The following GABRA4 variants were observed in gnomAD, a reference collection of about 807,000 sequenced individuals.
The protein encoded by GABRA4 is gamma-aminobutyric acid type A receptor subunit alpha4.
GABRA4 carries 12 observed loss-of-function variants against 49.7 expected under a neutral mutation model. The ratio of observed to expected loss-of-function variants is 0.24; its 90% CI spans 0.15 to 0.39. GABRA4 has a LOEUF of 0.39. Ranked by LOEUF, GABRA4 falls within the 10% of genes least tolerant of loss-of-function variation. The pLI, the probability that GABRA4 is intolerant of heterozygous loss-of-function variation, is 1.00. For missense variants in GABRA4, 506 were observed against 686.0 expected, an observed-to-expected ratio of 0.74 and a Z score of 2.93; for synonymous variants, 288 against 240.2, an observed-to-expected ratio of 1.20 and a Z score of -1.84.
Position 46,971,091 on chromosome 4 carries a change from G to C in GABRA4, c.866C>G (p.Thr289Ser). The C allele has an allele frequency of 6.2e-7, 1 of 1,608,388 alleles. No homozygotes were observed. Among genetic ancestry groups the C allele is most frequent in the Non-Finnish European group, 8.5e-7 (1 of 1,176,584 alleles). The stretch of plus-strand genomic sequence containing the variant: ...AAATGAATTGCAATTACCAAATACA[G>C]TCCTAGCGGGAACTGATTCTTTATT... ...WINKESVPARTVFGITTVLTM... is the reference protein window; with the variant it reads ...WINKESVPARSVFGITTVLTM... The change falls in exon 7 of 9, where the codon ACT (threonine) becomes AGT (serine). Residue 289 changes from threonine to serine, a missense_variant. Thr to Ser is a moderately conservative substitution (Grantham distance 58, BLOSUM62 1). Around this residue, in one of 5 missense-constraint regions of GABRA4, gnomAD observed 33 missense variants for 102.5 expected, o/e 0.32. Coordinates refer to ENST00000264318, the MANE Select transcript of GABRA4 (RefSeq NM_000809.4).
intron 7 of GABRA4, among the ~76,000 whole-genome samples, chr4:46,965,788 A>G (rs990401753): frequency 6.6e-6 from 1 of 151,838 alleles, no homozygotes; most frequent in East Asian, 1.9e-4. Context: ...GGTCTTTCTT[A>G]TCTTTAAATA....
chr4:46,977,265 G>A lies in GABRA4; in HGVS notation c.495-122C>T, dbSNP rs1182905535. Reference sequence around the variant, plus strand: ...GAAGAAGGGAGGGAAGAAAAGGAAGGAAGGAAGGGAAGGAGGAAGGGAGGG... The same window carrying A: ...GAAGAAGGGAGGGAAGAAAAGGAAGAAAGGAAGGGAAGGAGGAAGGGAGGG... On this transcript the variant is annotated intron_variant, in intron 4 of 8. Transcript: ENST00000264318. 1.1e-5 allele frequency: 5 copies of A among 451,096 alleles called. No individual in the cohort carries two copies. The East Asian group carries it at 2.3e-4, about 21-fold the overall frequency. The allele number at this position is 451,096 out of a possible 1,614,324, so 27.9% of individuals were successfully genotyped here.
chr4:46,984,288 A>G (rs945301713), intron 2 of GABRA4, among the ~76,000 whole-genome samples: 6 of 152,052 alleles, frequency 3.9e-5, no homozygotes, highest in African/African-American at 1.2e-4. Context: ...ACAAAATACT[A>G]GTTACATATC....
intron 7 of GABRA4, among the ~76,000 whole-genome samples, chr4:46,967,098 T>A (rs1024080911): frequency 6.6e-6 from 1 of 151,712 alleles, no homozygotes; most frequent in Admixed American, 6.6e-5. Flanking sequence ...GTTTTTCTTG[T>A]TCATAACAAT....
At chr4:46,981,580 C>A (rs763446214) in intron 2 of GABRA4, among the ~76,000 whole-genome samples, 1 of 151,980 alleles carries the variant, frequency 6.6e-6, no homozygotes, top group Non-Finnish European at 1.5e-5. Context: ...TGAATGAGTG[C>A]CAGTTGTGTG....
At chr4:46,987,760 T>C (rs1244743633) in intron 2 of GABRA4, among the ~76,000 whole-genome samples, 1 of 152,236 alleles carries the variant, frequency 6.6e-6, no homozygotes, top group East Asian at 1.9e-4. Flanking sequence ...AAAGCTTCAT[T>C]GGTCTCCCTG....
At chr4:46,993,290 C>T (rs1723845687) in intron 1 of GABRA4, 49 bp downstream of exon 1, 3 of 1,513,938 alleles carry the variant, frequency 2.0e-6, no homozygotes, top group Non-Finnish European at 2.8e-6. Flanking sequence ...CGGAGCTAGC[C>T]ATTTCTCCAC....
At position 46,992,953 on chromosome 4, in the gene GABRA4, G is replaced by GC; in HGVS notation, c.87-8dup. 1 of 1,450,564 alleles carries GC rather than the reference G, an allele frequency of 6.9e-7. No individual in the cohort carries two copies. Among genetic ancestry groups the GC allele is most frequent in the Non-Finnish European group, 9.4e-7 (1 of 1,061,124 alleles). The allele number at this position is 1,450,564 out of a possible 1,614,324, so 89.9% of individuals were successfully genotyped here. ...TCCTGGGGATTCGTTTAAACTGCAA[G>GC]CGAAAAAAAAAAAACCGGGGGCGGA... On this transcript the variant is annotated splice_polypyrimidine_tract_variant and splice_region_variant and intron_variant, in intron 1 of 8. Transcript: ENST00000264318.
chr4:46,988,720 A>G (rs1004152375), intron 2 of GABRA4, among the ~76,000 whole-genome samples: 1 of 152,210 alleles, frequency 6.6e-6, no homozygotes. Context: ...AGTTTTGCTT[A>G]TTTTAAGGTC....
Position 46,925,748 on chromosome 4 carries a change from TATTATTATTATCATC to T in GABRA4, c.*2462_*2476del, listed in dbSNP as rs921678822. On this transcript the variant is annotated 3_prime_UTR_variant, in exon 9 of 9. Transcript: ENST00000264318. ...TTATTATTATTATTATTATTATTAT[TATTATTATTATCATC>T]ATTATTATCATTGTGTGCAAATGAA... 6 of 118,534 alleles carry T rather than the reference TATTATTATTATCATC, an allele frequency of 5.1e-5. No homozygotes were observed. Among genetic ancestry groups the T allele is most frequent in the African/African-American group, 1.7e-4 (6 of 35,204 alleles). The allele number at this position is 118,534 out of a possible 1,614,324, so 7.3% of individuals were successfully genotyped here.
intron 8 of GABRA4, among the ~76,000 whole-genome samples, chr4:46,956,041 T>C (rs1012737066): frequency 2.0e-5 from 3 of 151,990 alleles, no homozygotes; most frequent in Non-Finnish European, 4.4e-5. Context: ...CAAACTAACA[T>C]AAAAAATGGC....
Position 46,928,228 on chromosome 4 carries a change from C to T in GABRA4, c.1662G>A (p.Met554Ile), listed in dbSNP as rs768396690. The change falls in exon 9 of 9, where the codon ATG (methionine) becomes ATA (isoleucine). Residue 554 changes from methionine to isoleucine, a missense_variant. Physicochemically the swap from Met to Ile is conservative, Grantham distance 10. Coordinates refer to ENST00000264318, the MANE Select transcript of GABRA4 (RefSeq NM_000809.4). ...KDTMEKSESL[M>I] ...GCAAACTACTATAGCAACGAAATTA[C>T]ATTAGACTTTCTGATTTCTCCATAG... 2 of 1,604,352 alleles carry T rather than the reference C, an allele frequency of 1.2e-6. No homozygotes were observed. The highest frequency in any genetic ancestry group is 8.5e-7 in the Non-Finnish European group (1 of 1,174,908).
At chr4:46,980,891 A>T (rs1473657018) in intron 2 of GABRA4, among the ~76,000 whole-genome samples, 1 of 152,122 alleles carries the variant, frequency 6.6e-6, no homozygotes, top group East Asian at 1.9e-4. Flanking sequence ...ACACTATGCC[A>T]TTGCAAGTCA....
At chr4:46,944,013 C>A (rs560865147) in intron 8 of GABRA4, among the ~76,000 whole-genome samples, 25 of 151,832 alleles carry the variant, frequency 1.6e-4, no homozygotes, top group Non-Finnish European at 3.1e-4. Flanking sequence ...TTAAAGGGTA[C>A]AATATTTCAG....
chr4:46,928,957 A>G (rs1224395260), intron 8 of GABRA4, among the ~76,000 whole-genome samples: 2 of 152,090 alleles, frequency 1.3e-5, no homozygotes, highest in African/African-American at 4.8e-5. Flanking sequence ...TGAATCAAAA[A>G]TCTTCTATTT....
At chr4:46,960,115 T>C (rs1320999500) in intron 8 of GABRA4, among the ~76,000 whole-genome samples, 3 of 151,360 alleles carry the variant, frequency 2.0e-5, no homozygotes, top group Non-Finnish European at 3.0e-5. Context: ...AAAATTAATA[T>C]TAAGAAATAT....
At chr4:46,964,230 C>T (rs1244034260) in intron 8 of GABRA4, among the ~76,000 whole-genome samples, 1 of 151,662 alleles carries the variant, frequency 6.6e-6, no homozygotes, top group Admixed American at 6.6e-5. Flanking sequence ...AACTCATGAA[C>T]ATAGAGGGTA....
At chr4:46,954,863 A>C (rs1278577679) in intron 8 of GABRA4, among the ~76,000 whole-genome samples, 1 of 152,136 alleles carries the variant, frequency 6.6e-6, no homozygotes, top group Non-Finnish European at 1.5e-5. Flanking sequence ...GCTCAAATCC[A>C]AGTCTACCAT....
chr4:46,935,494 T>C (rs1434756275), intron 8 of GABRA4, among the ~76,000 whole-genome samples: 1 of 152,122 alleles, frequency 6.6e-6, no homozygotes, highest in African/African-American at 2.4e-5. Context: ...AATAAATAAT[T>C]ACGGGAAACA....
Sources: gnomAD v4.1 joint callset for allele counts (sites outside exome capture counted in the v4.1 genomes callset) on GRCh38, gnomAD v4.1.1 for gene constraint, gnomAD v4.1.1 regional missense constraint, MANE v1.5 for transcripts, NCBI Gene and HGNC (gene_info 2026-07-23, HGNC 2026-07-21) for gene names.